The following RTN1 variants were observed in gnomAD, a reference collection of about 807,000 sequenced individuals.
RTN1 encodes reticulon 1.
Under a neutral mutation model 65.5 loss-of-function variants are expected in RTN1, and 25 were observed. The ratio of observed to expected loss-of-function variants is 0.38; its 90% CI spans 0.28 to 0.53. The LOEUF (loss-of-function observed/expected upper bound fraction) is 0.53, where lower values mean the gene tolerates loss of function less well. Among genes scored for constraint, RTN1 ranks in the 20% least tolerant of loss-of-function variants. The pLI is 0.79. For missense variants in RTN1, 983 were observed against 1,025.4 expected, an observed-to-expected ratio of 0.96 and a Z score of 0.57; for synonymous variants, 471 against 447.6, an observed-to-expected ratio of 1.05 and a Z score of -0.66.
chr14:59,716,136 T>C (rs1884529986), intron 3 of RTN1, among the ~76,000 whole-genome samples: 1 of 152,222 alleles, frequency 6.6e-6, no homozygotes, highest in Admixed American at 6.5e-5. Flanking sequence ...TCTATATACA[T>C]TTTTGATATT....
intron 3 of RTN1, among the ~76,000 whole-genome samples, chr14:59,636,586 G>C (rs1049972119): frequency 6.6e-6 from 1 of 152,134 alleles, no homozygotes; most frequent in Admixed American, 6.5e-5. Flanking sequence ...GGTTAATAGA[G>C]TATTATATAG....
chr14:59,649,025 A>G (rs1882963149), intron 3 of RTN1, among the ~76,000 whole-genome samples: 1 of 152,200 alleles, frequency 6.6e-6, no homozygotes, highest in Admixed American at 6.5e-5. Context: ...AGGCTAGAGT[A>G]ACCAAAACAG....
At chr14:59,864,944 C>G (rs952590132) in intron 1 of RTN1, among the ~76,000 whole-genome samples, 1 of 152,104 alleles carries the variant, frequency 6.6e-6, no homozygotes, top group Non-Finnish European at 1.5e-5. Context: ...GCATATCAGC[C>G]ATCCTTTGAA....
In RTN1 at chr14:59,868,908, T is replaced by C. The variant is rs1212349729; in HGVS notation, c.241+1482A>G. Among the ~76,000 whole-genome samples the C allele has an allele frequency of 6.6e-6, 1 of 152,220 alleles. No homozygotes were observed. Among genetic ancestry groups the C allele is most frequent in the Non-Finnish European group, 1.5e-5 (1 of 68,044 alleles). ...CATTTGCCATCTTCTTTTGCAATTA[T>C]AAAGAGTTTTGTTTTCACTTGGATG... On this transcript the variant is annotated intron_variant, in intron 1 of 8. Coordinates refer to ENST00000267484, the MANE Select transcript of RTN1 (RefSeq NM_021136.3). The surrounding 1 kb of genome is among the most constrained non-coding windows in gnomAD (Gnocchi z 4.0).
At chr14:59,779,636 C>T (rs183956273) in intron 1 of RTN1, among the ~76,000 whole-genome samples, 1 of 152,100 alleles carries the variant, frequency 6.6e-6, no homozygotes, top group Admixed American at 6.6e-5. Flanking sequence ...TACTCTCCTC[C>T]TGATACATTA....
At chr14:59,757,851 A>G (rs1455020000) in intron 1 of RTN1, among the ~76,000 whole-genome samples, 2 of 152,168 alleles carry the variant, frequency 1.3e-5, no homozygotes, top group African/African-American at 4.8e-5. Context: ...CAAGACACAT[A>G]GTATATTTGT....
chr14:59,630,400 GTT>G, intron 3 of RTN1: 1 of 1,612,168 alleles, frequency 6.2e-7, no homozygotes, highest in Non-Finnish European at 8.5e-7. Context: ...CAGGTCCCGG[GTT>G]TCCCGTGCGC....
intron 1 of RTN1, among the ~76,000 whole-genome samples, chr14:59,782,692 T>C (rs919017905): frequency 6.6e-6 from 1 of 152,202 alleles, no homozygotes; most frequent in Admixed American, 6.5e-5. Flanking sequence ...TAAGAGGCTA[T>C]AATGTTTTGT....
At chr14:59,736,401 A>T (rs1360175723) in intron 2 of RTN1, among the ~76,000 whole-genome samples, 1 of 152,212 alleles carries the variant, frequency 6.6e-6, no homozygotes, top group South Asian at 2.1e-4. Context: ...AAACACCTCT[A>T]TGCATATAAA....
chr14:59,673,711 G>A (rs10148728), intron 3 of RTN1, among the ~76,000 whole-genome samples: 2,593 of 152,124 alleles, frequency 0.017, 79 homozygotes, highest in African/African-American at 0.059. Flanking sequence ...GAGAGAGGAG[G>A]GTAAGATGGG....
chr14:59,767,136 T>C (rs1266453281), intron 1 of RTN1, among the ~76,000 whole-genome samples: 1 of 152,224 alleles, frequency 6.6e-6, no homozygotes, highest in South Asian at 2.1e-4. Context: ...CTCCCCACTC[T>C]TGCTACCTTC....
At chr14:59,642,530 A>G (rs1882802091) in intron 3 of RTN1, among the ~76,000 whole-genome samples, 1 of 152,012 alleles carries the variant, frequency 6.6e-6, no homozygotes, top group African/African-American at 2.4e-5. Flanking sequence ...TTTATCTGCC[A>G]CTTCGGATAT....
chr14:59,786,695 G>C (rs1365114785), intron 1 of RTN1, among the ~76,000 whole-genome samples: 2 of 152,114 alleles, frequency 1.3e-5, no homozygotes, highest in Non-Finnish European at 2.9e-5. Context: ...CTATAGAAAA[G>C]TTACCATTAA....
rs750244643 is a variant in RTN1, at chr14:59,727,059, G to T, written c.1625C>A (p.Ala542Asp). 1.9e-6 allele frequency: 3 copies of T among 1,613,064 alleles called. No homozygotes were observed. Among genetic ancestry groups the T allele is most frequent in the Non-Finnish European group, 2.5e-6 (3 of 1,179,592 alleles). Residue 542 changes from alanine (A) to aspartate (D), a missense_variant, in exon 3 of 9, where the codon GCC becomes GAC. By Grantham distance (126) the Ala-to-Asp change is moderately radical (BLOSUM62 -2). Around this residue, in one of 2 missense-constraint regions of RTN1, gnomAD observed 818 missense variants for 801.8 expected, o/e 1.02. Coordinates refer to ENST00000267484, the MANE Select transcript of RTN1 (RefSeq NM_021136.3). This position sits in a 1 kb window ranked among gnomAD's most constrained non-coding sequence, Gnocchi z 4.2. ...PGPELPPGDGALEPETPMLPR... is the reference protein window; with the variant it reads ...PGPELPPGDGDLEPETPMLPR... ...CAACATGGGCGTCTCAGGCTCCAGG[G>T]CTCCGTCTCCAGGGGGCAGCTCGGG...
chr14:59,856,329 C>T (rs187003215), intron 1 of RTN1, among the ~76,000 whole-genome samples: 1 of 152,276 alleles, frequency 6.6e-6, no homozygotes. Context: ...TTCCCACAAG[C>T]CCACAGGGCC....
chr14:59,719,637 T>C (rs1884606711), intron 3 of RTN1, among the ~76,000 whole-genome samples: 1 of 152,236 alleles, frequency 6.6e-6, no homozygotes, highest in African/African-American at 2.4e-5. Flanking sequence ...AATTTATGTA[T>C]TGTATTTTTG....
chr14:59,714,610 T>C (rs781723246), intron 3 of RTN1, among the ~76,000 whole-genome samples: 1 of 152,136 alleles, frequency 6.6e-6, no homozygotes, highest in African/African-American at 2.4e-5. Flanking sequence ...TCACATTCTA[T>C]TGGTAAGAAT....
At chr14:59,628,083 C>G (rs1341186185) in intron 3 of RTN1, among the ~76,000 whole-genome samples, 3 of 151,976 alleles carry the variant, frequency 2.0e-5, no homozygotes, top group African/African-American at 7.3e-5. Flanking sequence ...GCCTGTAATC[C>G]CAACACTTTG....
At chr14:59,756,924 A>G (rs78285376) in intron 1 of RTN1, among the ~76,000 whole-genome samples, 1,939 of 151,730 alleles carry the variant, frequency 0.013, 43 homozygotes, top group African/African-American at 0.044. Context: ...CCTGGGTTCA[A>G]GCGATTCTCC....
Sources: allele counts gnomAD v4.1 joint callset (sites outside exome capture counted in the v4.1 genomes callset), GRCh38; gene constraint gnomAD v4.1.1; regional missense constraint gnomAD v4.1.1; non-coding constraint Gnocchi (gnomAD v3.1); transcripts MANE v1.5; gene names NCBI Gene and HGNC (gene_info 2026-07-23, HGNC 2026-07-21).